Variants in CDK6 observed in about 807,000 individuals in gnomAD.
The protein encoded by CDK6 is cyclin-dependent kinase 6.
Under a neutral mutation model 37.1 loss-of-function variants are expected in CDK6, and 6 were observed. The observed-to-expected ratio is 0.16, with a 90% CI of 0.09 to 0.32. The LOEUF is 0.32. Among genes scored for constraint, CDK6 ranks in the 10% least tolerant of loss-of-function variants. The pLI is 1.00. For synonymous variants in CDK6, 160 were observed against 161.3 expected, an observed-to-expected ratio of 0.99 and a Z score of 0.06; for missense variants, 224 against 418.9, an observed-to-expected ratio of 0.53 and a Z score of 4.06.
Position 92,612,567 on chromosome 7 carries a change from A to G in CDK6, c.*2573T>C, listed in dbSNP as rs1165629202. On this transcript the variant is annotated 3_prime_UTR_variant, in exon 8 of 8. Transcript: ENST00000424848. The stretch of plus-strand genomic sequence containing the variant: ...GGACAGATTTTTACAAAGTTCAGAG[A>G]GGCTGAGATGCCCTTTCATTCTGTG... 8.6e-6 allele frequency: 2 copies of G among 233,056 alleles called. No individual in the cohort carries two copies. Among genetic ancestry groups the G allele is most frequent in the Non-Finnish European group, 1.7e-5 (2 of 117,984 alleles). 14.4% of individuals were successfully genotyped at this position (233,056 alleles called of 1,614,324 possible).
rs548535515 is a variant in CDK6 at position 92,654,634 on chromosome 7, C to T, written c.647+16792G>A. On this transcript the variant is annotated intron_variant, in intron 5 of 7. Coordinates refer to ENST00000424848, the MANE Select transcript of CDK6 (RefSeq NM_001145306.2). ...TGTATGTGTTTTCTGGTATTTGAAG[C>T]GTCTTACCCGAGAGAGCAAAAGATG... Among the ~76,000 whole-genome samples the T allele has an allele frequency of 4.6e-5, 7 of 152,164 alleles. No individual in the cohort carries two copies. The South Asian group carries it at 1.2e-3, about 27-fold the overall frequency.
rs1801602877 is a variant in CDK6, at chr7:92,834,748, C to T, written c.-367-1058G>A. 2.0e-5 allele frequency among the ~76,000 whole-genome samples: 3 copies of T among 152,036 alleles called. No homozygotes were observed. The highest frequency in any genetic ancestry group is 7.2e-5 in the African/African-American group (3 of 41,384). ...AAGGTCTCTGTCCTCGGGGCCCGGA[C>T]TCGCGAACCTTTTCCCATTCCCAGG... On this transcript the variant is annotated intron_variant, in intron 1 of 7. Coordinates refer to ENST00000424848, the MANE Select transcript of CDK6 (RefSeq NM_001145306.2). The surrounding 1 kb of genome is among the most constrained non-coding windows in gnomAD (Gnocchi z 4.6).
At chr7:92,812,468 G>T (rs2115946385) in intron 2 of CDK6, among the ~76,000 whole-genome samples, 1 of 151,528 alleles carries the variant, frequency 6.6e-6, no homozygotes, top group South Asian at 2.1e-4. Context: ...CCCAGGTTGG[G>T]GTCAAGTGGT....
intron 3 of CDK6, among the ~76,000 whole-genome samples, chr7:92,770,647 T>C (rs1799690118): frequency 6.6e-6 from 1 of 152,170 alleles, no homozygotes. Context: ...AAGATCATCA[T>C]GGGCTCTTTT....
chr7:92,670,419 T>C (rs547611170), intron 5 of CDK6, among the ~76,000 whole-genome samples: 32 of 152,198 alleles, frequency 2.1e-4, no homozygotes, highest in African/African-American at 7.2e-4. Context: ...GACCACTTCT[T>C]TTCCTTGTGA....
At chr7:92,748,985 G>A (rs1239661790) in intron 3 of CDK6, among the ~76,000 whole-genome samples, 2 of 152,094 alleles carry the variant, frequency 1.3e-5, no homozygotes, top group Admixed American at 1.3e-4. Context: ...CATATCACAA[G>A]GTCAGGAGTT....
At chr7:92,669,485 T>TAGACACATAAA (rs1797028564) in intron 5 of CDK6, among the ~76,000 whole-genome samples, 3 of 152,230 alleles carry the variant, frequency 2.0e-5, no homozygotes, top group African/African-American at 7.2e-5. Context: ...TGAAGGACTC[T>TAGACACATAAA]GTCTTTACAG....
chr7:92,702,590 T>C (rs1479301411), intron 4 of CDK6, among the ~76,000 whole-genome samples: 3 of 152,160 alleles, frequency 2.0e-5, no homozygotes, highest in African/African-American at 4.8e-5. Context: ...TTGATGAGAA[T>C]AGAAACATTT....
intron 2 of CDK6, among the ~76,000 whole-genome samples, chr7:92,817,267 T>C (rs1487461611): frequency 6.6e-6 from 1 of 151,930 alleles, no homozygotes; most frequent in Non-Finnish European, 1.5e-5. Context: ...TTCATGAATA[T>C]TCTTAACAAA....
intron 5 of CDK6, among the ~76,000 whole-genome samples, chr7:92,665,521 T>C (rs556579368): frequency 1.3e-5 from 2 of 152,338 alleles, no homozygotes; most frequent in Non-Finnish European, 2.9e-5. Flanking sequence ...CAGTGACAGA[T>C]GATATTTAAA....
rs552386414 is a variant in CDK6, at chr7:92,614,012, C to T, written c.*1128G>A. On this transcript the variant is annotated 3_prime_UTR_variant, in exon 8 of 8. Transcript: ENST00000424848. ...TGGTAGCAATATATTTCAGAAGTGC[C>T]GGGAGATAGACAAGATGGATACTTT... is the stretch of plus-strand genomic sequence containing the variant. 2.6e-5 allele frequency: 6 copies of T among 232,998 alleles called. No individual in the cohort carries two copies. Among genetic ancestry groups the T allele is most frequent in the East Asian group, 1.8e-4 (3 of 16,546 alleles). 14.4% of individuals were successfully genotyped at this position (232,998 alleles called of 1,614,324 possible).
rs895701800 is a variant in CDK6, at chr7:92,747,746, C to T, written c.370-21953G>A. On this transcript the variant is annotated intron_variant, in intron 3 of 7. Coordinates refer to ENST00000424848, the MANE Select transcript of CDK6 (RefSeq NM_001145306.2). ...AAACTGCCTTATGTGGTGGCTATTT[C>T]TCTATGTATCTCATTCTCCCTTTCT... 2.6e-5 allele frequency among the ~76,000 whole-genome samples: 4 copies of T among 152,176 alleles called. No individual in the cohort carries two copies. The East Asian group carries it at 7.7e-4, about 29-fold the overall frequency.
intron 4 of CDK6, among the ~76,000 whole-genome samples, chr7:92,696,052 T>A (rs1797711373): frequency 6.6e-6 from 1 of 152,236 alleles, no homozygotes; most frequent in African/African-American, 2.4e-5. Context: ...TTTCGGAGTG[T>A]GCTCTGTTGT....
At chr7:92,641,422 C>A (rs1796302506) in intron 5 of CDK6, among the ~76,000 whole-genome samples, 1 of 152,092 alleles carries the variant, frequency 6.6e-6, no homozygotes, top group South Asian at 2.1e-4. Flanking sequence ...TATTTTGATG[C>A]CCAAATTGTT....
At chr7:92,757,862 T>C (rs1200842634) in intron 3 of CDK6, among the ~76,000 whole-genome samples, 1 of 152,236 alleles carries the variant, frequency 6.6e-6, no homozygotes, top group Non-Finnish European at 1.5e-5. Flanking sequence ...TGGTGTGAGA[T>C]GGTAACTCAT....
intron 4 of CDK6, among the ~76,000 whole-genome samples, chr7:92,686,098 TAAGA>T (rs747992277): frequency 4.6e-5 from 7 of 152,248 alleles, no homozygotes; most frequent in Non-Finnish European, 8.8e-5. Context: ...CAGTGATATC[TAAGA>T]AAAACATGTA....
intron 2 of CDK6, among the ~76,000 whole-genome samples, chr7:92,830,981 A>T (rs1267286682): frequency 6.6e-6 from 1 of 152,182 alleles, no homozygotes; most frequent in African/African-American, 2.4e-5. Flanking sequence ...AACGCAAACA[A>T]TCCTTTAGAT....
At chr7:92,656,503 G>A (rs571143929) in intron 5 of CDK6, among the ~76,000 whole-genome samples, 10 of 152,204 alleles carry the variant, frequency 6.6e-5, no homozygotes, top group African/African-American at 2.4e-4. Flanking sequence ...AATTATGTAG[G>A]CATACAATAA....
At position 92,725,792 on chromosome 7, in the gene CDK6, T is replaced by C; in HGVS notation, c.371A>G (p.Asp124Gly). The part of the protein sequence containing the change: ...EPGVPTETIK[D>G]MMFQLLRGLD... ...ACCTCGGAGAAGCTGAAACATCATA[T>C]CCTAATAAAATTAAAAAAAGAAAAT... The change falls in exon 4 of 8, where the codon GAT becomes GGT. Residue 124 changes from aspartate (D) to glycine (G), a missense_variant and splice_region_variant. Asp to Gly is a moderately conservative substitution (Grantham distance 94, BLOSUM62 -1). Around this residue, in one of 5 missense-constraint regions of CDK6, gnomAD observed 82 missense variants for 202.1 expected, o/e 0.41. Coordinates refer to ENST00000424848, the MANE Select transcript of CDK6 (RefSeq NM_001145306.2). 1 of 1,605,394 alleles carries C rather than the reference T, an allele frequency of 6.2e-7. No homozygotes were observed. Among genetic ancestry groups the C allele is most frequent in the Non-Finnish European group, 8.5e-7 (1 of 1,176,910 alleles).
Sources: allele counts gnomAD v4.1 joint callset (sites outside exome capture counted in the v4.1 genomes callset), GRCh38; gene constraint gnomAD v4.1.1; regional missense constraint gnomAD v4.1.1; non-coding constraint Gnocchi (gnomAD v3.1); transcripts MANE v1.5; gene names NCBI Gene and HGNC (gene_info 2026-07-23, HGNC 2026-07-21).